MGAT5: variants seen among roughly 807,000 people sequenced by gnomAD.
MGAT5 encodes alpha-1,6-mannosylglycoprotein 6-beta-N-acetylglucosaminyltransferase A.
In MGAT5, 30 loss-of-function variants were observed where a neutral mutation model predicts 94.3. That is an observed-to-expected ratio of 0.32 (90% CI 0.24 to 0.43). The LOEUF is 0.43. Ranked by LOEUF, MGAT5 falls within the 20% of genes least tolerant of loss-of-function variation. The pLI is 1.00. For synonymous variants in MGAT5, 310 were observed against 322.9 expected (o/e 0.96, Z 0.43); for missense variants, 691 against 905.5 (o/e 0.76, Z 3.04).
intron 9 of MGAT5, among the ~76,000 whole-genome samples, chr2:134,358,515 G>A (rs1159353353): frequency 6.6e-6 from 1 of 152,174 alleles, no homozygotes; most frequent in Non-Finnish European, 1.5e-5. Flanking sequence ...AAAAGGAAAG[G>A]ATGAGTTGAT....
At position 134,399,609 on chromosome 2, in the gene MGAT5, G is replaced by A. The variant is rs138223184; in HGVS notation, c.1381-3379G>A. ...TGGGCGACAGAGGTGGTTGCATGCT[G>A]TGATATGATACTCAGTGCAGGCCCT... On this transcript the variant is annotated intron_variant, in intron 10 of 15. Transcript: ENST00000281923. Among the ~76,000 whole-genome samples, 4 of 152,348 alleles carry A rather than the reference G, an allele frequency of 2.6e-5. No individual in the cohort carries two copies. The East Asian group carries it at 5.8e-4, about 22-fold the overall frequency.
chr2:134,332,321 A>G (rs999002537), intron 4 of MGAT5, among the ~76,000 whole-genome samples: 2 of 151,950 alleles, frequency 1.3e-5, no homozygotes, highest in Non-Finnish European at 2.9e-5. Context: ...AAACCTGAGA[A>G]AAACAAGCAA....
chr2:134,322,125 T>C (rs1687365003), intron 4 of MGAT5, among the ~76,000 whole-genome samples: 1 of 152,172 alleles, frequency 6.6e-6, no homozygotes, highest in Non-Finnish European at 1.5e-5. Flanking sequence ...GGAATGTACT[T>C]AGAGTACAAC....
chr2:134,190,908 C>T (rs1055011431), intron 1 of MGAT5, among the ~76,000 whole-genome samples: 2 of 152,066 alleles, frequency 1.3e-5, no homozygotes, highest in Admixed American at 1.3e-4. Context: ...CTCGGCCTCC[C>T]AGAGTGCTGG....
chr2:134,165,331 T>G (rs115249344), intron 1 of MGAT5, among the ~76,000 whole-genome samples: 1 of 152,302 alleles, frequency 6.6e-6, no homozygotes, highest in East Asian at 1.9e-4. Context: ...GATACTCTAA[T>G]GCACATTAGA....
In MGAT5 at chr2:134,450,319, G is replaced by A. The variant is rs553584999; in HGVS notation, c.*1472G>A. On this transcript the variant is annotated 3_prime_UTR_variant, in exon 16 of 16. Coordinates refer to ENST00000281923, the MANE Select transcript of MGAT5 (RefSeq NM_002410.5). ...CGCTCAATGATGTGCTCTGTGCCGG[G>A]GCTTCCAAGCACCCTTCCTGCTAAC... is the stretch of plus-strand genomic sequence containing the variant. 2 of 152,270 alleles carry A rather than the reference G, an allele frequency of 1.3e-5. No individual in the cohort carries two copies. The highest frequency in any genetic ancestry group is 3.9e-4 in the East Asian group (2 of 5,156). 9.4% of individuals were successfully genotyped at this position (152,270 alleles called of 1,614,324 possible). A position where few individuals can be genotyped will look rare whatever the true frequency, so the allele number is the denominator to read the frequency against.
intron 10 of MGAT5, among the ~76,000 whole-genome samples, chr2:134,367,625 G>T (rs1680517740): frequency 6.6e-6 from 1 of 152,226 alleles, no homozygotes; most frequent in Non-Finnish European, 1.5e-5. Context: ...CTCTCTCTCA[G>T]AACACATTGG....
chr2:134,413,218 G>A (rs1353740835), intron 12 of MGAT5, among the ~76,000 whole-genome samples: 1 of 152,104 alleles, frequency 6.6e-6, no homozygotes. Context: ...CCAAGTAAGG[G>A]ATCTTGACAC....
chr2:134,439,028 G>A (rs1685325300), intron 14 of MGAT5, among the ~76,000 whole-genome samples: 1 of 152,140 alleles, frequency 6.6e-6, no homozygotes, highest in Non-Finnish European at 1.5e-5. Flanking sequence ...CTCATCATAG[G>A]AACACATGAG....
intron 2 of MGAT5, among the ~76,000 whole-genome samples, chr2:134,297,362 C>G (rs913654218): frequency 6.6e-6 from 1 of 151,870 alleles, no homozygotes. Context: ...CAGATTCTTC[C>G]ATGAAATATA....
intron 14 of MGAT5, among the ~76,000 whole-genome samples, chr2:134,430,999 G>A (rs1684847777): frequency 6.6e-6 from 1 of 152,184 alleles, no homozygotes; most frequent in Admixed American, 6.5e-5. Flanking sequence ...ATGGTAGAGT[G>A]TATCTGAAGG....
At chr2:134,363,826 A>G (rs1476272480) in intron 10 of MGAT5, among the ~76,000 whole-genome samples, 1 of 152,234 alleles carries the variant, frequency 6.6e-6, no homozygotes, top group Admixed American at 6.5e-5. Context: ...CTTTCCTTGT[A>G]TAAAAATGTG....
At chr2:134,305,836 T>G (rs978793693) in intron 2 of MGAT5, among the ~76,000 whole-genome samples, 3 of 152,172 alleles carry the variant, frequency 2.0e-5, no homozygotes, top group African/African-American at 7.2e-5. Flanking sequence ...ATTTTGTTTA[T>G]TGGAAAAGGA....
intron 1 of MGAT5, among the ~76,000 whole-genome samples, chr2:134,133,082 T>A (rs1356650782): frequency 2.0e-5 from 3 of 152,202 alleles, no homozygotes; most frequent in African/African-American, 7.2e-5. Flanking sequence ...GTGCCTTTTT[T>A]GGTGATATAA....
In MGAT5 at chr2:134,176,572, TAAAAAAA is replaced by T. The variant is rs66689362; in HGVS notation, c.-143+56298_-143+56304del. On this transcript the variant is annotated intron_variant, in intron 1 of 16. Coordinates refer to the MGAT5 transcript ENST00000409645. ...TGGGTGACAGAGGGAGACTCTGTCT[TAAAAAAA>T]AAAAAAAAAAAAAAAATTCTAAACC... is the stretch of plus-strand genomic sequence containing the variant. Among the ~76,000 whole-genome samples, 355 of 83,318 alleles carry T rather than the reference TAAAAAAA, an allele frequency of 4.3e-3. 6 individuals carry two copies. The highest frequency in any genetic ancestry group is 0.018 in the African/African-American group (340 of 18,560). 54.7% of individuals were successfully genotyped at this position (83,318 alleles called of 152,430 possible). A position where few individuals can be genotyped will look rare whatever the true frequency, so the allele number is the denominator to read the frequency against.
intron 2 of MGAT5, among the ~76,000 whole-genome samples, chr2:134,280,375 T>TCTGCTTATGTCAAGCAGAGGGCCCATGG (rs1684616055): frequency 6.6e-6 from 1 of 152,134 alleles, no homozygotes; most frequent in African/African-American, 2.4e-5. Context: ...AAACCCCAAA[T>TCTGCTTATGTCAAGCAGAGGGCCCATGG]CTGCTTATGT....
chr2:134,120,697 G>T (rs1158595306), intron 1 of MGAT5, among the ~76,000 whole-genome samples: 1 of 151,906 alleles, frequency 6.6e-6, no homozygotes, highest in East Asian at 2.0e-4. Context: ...GGAGGAGCCC[G>T]GTGGGGGTCA....
At chr2:134,389,774 A>G (rs951786308) in intron 10 of MGAT5, among the ~76,000 whole-genome samples, 1 of 152,374 alleles carries the variant, frequency 6.6e-6, no homozygotes, top group Non-Finnish European at 1.5e-5. Flanking sequence ...GAGAGAAACT[A>G]TGTGGTCCTG....
intron 2 of MGAT5, among the ~76,000 whole-genome samples, chr2:134,301,571 A>G (rs1686020564): frequency 6.6e-6 from 1 of 152,176 alleles, no homozygotes; most frequent in Admixed American, 6.6e-5. Flanking sequence ...TTTAGGATTA[A>G]ATCAGAGAGG....
Sources: allele counts gnomAD v4.1 joint callset (sites outside exome capture counted in the v4.1 genomes callset), GRCh38; gene constraint gnomAD v4.1.1; transcripts MANE v1.5; gene names NCBI Gene and HGNC (gene_info 2026-07-23, HGNC 2026-07-21).